GTF2A1L: variants seen among roughly 807,000 people sequenced by gnomAD.
The protein encoded by GTF2A1L is TFIIA-alpha and beta-like factor.
GTF2A1L carries 48 observed loss-of-function variants against 49.7 expected under a neutral mutation model. The observed-to-expected ratio is 0.97, with a 90% CI of 0.77 to 1.23. GTF2A1L has a LOEUF of 1.23. GTF2A1L is among the 50% of genes most tolerant of loss of function. GTF2A1L has a pLI of 0.00. For synonymous variants in GTF2A1L, 246 were observed against 193.5 expected (o/e 1.27, Z -2.25); for missense variants, 736 against 564.8 (o/e 1.30, Z -3.07).
At position 48,621,018 on chromosome 2, in the gene GTF2A1L, T is replaced by C. The variant is rs77010579; in HGVS notation, c.123+66T>C. On this transcript the variant is annotated intron_variant, in intron 2 of 8. Coordinates refer to ENST00000403751, the MANE Select transcript of GTF2A1L (RefSeq NM_006872.5). ...TTTTTTTCAGCATACAAAACTGATATAGTTCTGATCTCTCAAATTATAGTT... is the reference window on the plus strand; with the variant it reads ...TTTTTTTCAGCATACAAAACTGATACAGTTCTGATCTCTCAAATTATAGTT... 7,805 of 1,542,078 alleles carry C rather than the reference T, an allele frequency of 5.1e-3. 293 individuals are homozygous for C. In the African/African-American group the frequency reaches 0.091, roughly 18 times the overall value.
At chr2:48,671,122 C>G (rs1186097915) in intron 7 of GTF2A1L, among the ~76,000 whole-genome samples, 2 of 151,912 alleles carry the variant, frequency 1.3e-5, no homozygotes, top group Non-Finnish European at 2.9e-5. Context: ...GCACCCGGCT[C>G]AAACAGGGAT....
At chr2:48,659,275 A>G (rs1678359288) in intron 6 of GTF2A1L, among the ~76,000 whole-genome samples, 1 of 152,082 alleles carries the variant, frequency 6.6e-6, no homozygotes, top group Non-Finnish European at 1.5e-5. Flanking sequence ...TCCATCAAAT[A>G]TGTTTTCTAG....
At chr2:48,656,456 A>G (rs1678182314) in intron 6 of GTF2A1L, among the ~76,000 whole-genome samples, 1 of 150,246 alleles carries the variant, frequency 6.7e-6, no homozygotes, top group Non-Finnish European at 1.5e-5. Flanking sequence ...GTGATGTTGA[A>G]CATTGTTTTA....
chr2:48,617,962 C>A, intron 1 of GTF2A1L, 67 bp downstream of exon 1: 1 of 1,477,532 alleles, frequency 6.8e-7, no homozygotes, highest in Non-Finnish European at 9.2e-7. Flanking sequence ...GCAGCCGAAC[C>A]CTGCACCTTT....
rs34643307 is a variant in GTF2A1L, at chr2:48,669,874, C to T, written c.1131C>T (p.Asp377=). ...ADENEFLGNI[D]GGDLKVPEEE... Reference sequence around the variant, plus strand: ...AGAATGAATTTCTAGGGAATATTGACGGGGGAGATCTGAAGGTACCTGAAG... The same window carrying T: ...AGAATGAATTTCTAGGGAATATTGATGGGGGAGATCTGAAGGTACCTGAAG... The change falls in exon 7 of 9, where the codon GAC becomes GAT. Residue 377 remains aspartate (D), a synonymous_variant. Transcript: ENST00000403751. 2.2e-4 allele frequency: 348 copies of T among 1,613,802 alleles called. 2 individuals are homozygous for T. In the African/African-American group the frequency reaches 3.0e-3, roughly 14 times the overall value.
chr2:48,663,084 AG>A (rs1251860234), intron 6 of GTF2A1L, among the ~76,000 whole-genome samples: 1 of 152,104 alleles, frequency 6.6e-6, no homozygotes. Context: ...AAAAAGAGAG[AG>A]GTTTATTTAG....
chr2:48,676,437 A>T (rs958508669), intron 8 of GTF2A1L, among the ~76,000 whole-genome samples: 3 of 151,802 alleles, frequency 2.0e-5, no homozygotes, highest in Non-Finnish European at 4.4e-5. Flanking sequence ...GCATTTTGCC[A>T]TTGTGAAAGA....
chr2:48,633,699 C>T (rs574537639), intron 3 of GTF2A1L, among the ~76,000 whole-genome samples: 30 of 152,218 alleles, frequency 2.0e-4, no homozygotes, highest in African/African-American at 6.3e-4. Flanking sequence ...AGTTTTCTGC[C>T]TCGATGATCT....
chr2:48,678,417 G>T (rs1207422789), intron 8 of GTF2A1L, among the ~76,000 whole-genome samples: 1 of 152,032 alleles, frequency 6.6e-6, no homozygotes, highest in East Asian at 1.9e-4. Context: ...GGTTTATCCT[G>T]TGTGTTTTCT....
chr2:48,638,359 A>G (rs1430201822), intron 3 of GTF2A1L, among the ~76,000 whole-genome samples: 1 of 152,218 alleles, frequency 6.6e-6, no homozygotes, highest in Non-Finnish European at 1.5e-5. Flanking sequence ...TTAGCAGCAC[A>G]TCAAAAAGCT....
At chr2:48,636,605 A>G (rs1400234048) in intron 3 of GTF2A1L, among the ~76,000 whole-genome samples, 2 of 152,250 alleles carry the variant, frequency 1.3e-5, no homozygotes, top group Admixed American at 6.5e-5. Flanking sequence ...AGAAAAAGGC[A>G]TACTTTGTCT....
chr2:48,622,321 T>C (rs944683690), intron 3 of GTF2A1L, among the ~76,000 whole-genome samples: 4 of 152,258 alleles, frequency 2.6e-5, no homozygotes, highest in Non-Finnish European at 5.9e-5. Context: ...ATAATTTTGC[T>C]CTGTAAGAAT....
At chr2:48,637,613 A>G (rs1260095665) in intron 3 of GTF2A1L, among the ~76,000 whole-genome samples, 1 of 152,184 alleles carries the variant, frequency 6.6e-6, no homozygotes, top group Non-Finnish European at 1.5e-5. Context: ...AAGACAAGAA[A>G]TGAACAAAAT....
chr2:48,642,891 G>A (rs1164346769), intron 4 of GTF2A1L, among the ~76,000 whole-genome samples: 1 of 151,918 alleles, frequency 6.6e-6, no homozygotes, highest in Admixed American at 6.6e-5. Context: ...TAAAGAGTGG[G>A]GTGACAGAAT....
chr2:48,656,036 T>C (rs1298972490), intron 6 of GTF2A1L, among the ~76,000 whole-genome samples: 1 of 152,224 alleles, frequency 6.6e-6, no homozygotes, highest in Non-Finnish European at 1.5e-5. Flanking sequence ...AGGTGAATAA[T>C]ATCTCATTGT....
intron 6 of GTF2A1L, among the ~76,000 whole-genome samples, chr2:48,663,071 G>GA (rs564468700): frequency 2.5e-4 from 38 of 151,914 alleles, no homozygotes; most frequent in African/African-American, 9.2e-4. Context: ...AAGTAAAAGT[G>GA]AAAAAAAGAG....
intron 3 of GTF2A1L, among the ~76,000 whole-genome samples, chr2:48,623,308 A>G (rs1023230010): frequency 2.6e-5 from 4 of 152,222 alleles, no homozygotes; most frequent in Non-Finnish European, 5.9e-5. Flanking sequence ...TAAATCTACA[A>G]TTCAATAAGT....
intron 6 of GTF2A1L, among the ~76,000 whole-genome samples, chr2:48,663,888 C>T (rs1282541841): frequency 6.6e-6 from 1 of 152,198 alleles, no homozygotes; most frequent in Non-Finnish European, 1.5e-5. Flanking sequence ...GCTGAGATTA[C>T]AGGCATAAGC....
At chr2:48,642,727 C>T (rs116123641) in intron 4 of GTF2A1L, among the ~76,000 whole-genome samples, 97 of 151,104 alleles carry the variant, frequency 6.4e-4, no homozygotes, top group Non-Finnish European at 1.1e-3. Flanking sequence ...TAGTGGTGGG[C>T]GCCTAGTAAT....
Sources: allele counts gnomAD v4.1 joint callset (sites outside exome capture counted in the v4.1 genomes callset), GRCh38; gene constraint gnomAD v4.1.1; transcripts MANE v1.5; gene names NCBI Gene and HGNC (gene_info 2026-07-23, HGNC 2026-07-21).